The following ADAMTS2 variants were observed in gnomAD, a reference collection of about 807,000 sequenced individuals.
The protein encoded by ADAMTS2 is ADAM metallopeptidase with thrombospondin type 1 motif 2.
A neutral mutation model predicts 123.0 loss-of-function variants in ADAMTS2; 50 were observed. That is an observed-to-expected ratio of 0.41 (90% CI 0.32 to 0.51). The LOEUF (loss-of-function observed/expected upper bound fraction) is 0.51. ADAMTS2 is among the 20% of genes least tolerant of loss of function. The pLI, the probability that ADAMTS2 is intolerant of heterozygous loss-of-function variation, is 0.35. For missense variants in ADAMTS2, 1,494 were observed against 1,705.2 expected, an observed-to-expected ratio of 0.88 and a Z score of 2.18; for synonymous variants, 678 against 695.4, an observed-to-expected ratio of 0.98 and a Z score of 0.39.
chr5:179,255,754 C>G (rs1766032375), intron 3 of ADAMTS2, among the ~76,000 whole-genome samples: 1 of 152,174 alleles, frequency 6.6e-6, no homozygotes, highest in Admixed American at 6.5e-5. Flanking sequence ...TGCCCCCAAG[C>G]AGGGGTGGCA....
intron 2 of ADAMTS2, among the ~76,000 whole-genome samples, chr5:179,284,185 C>T (rs1328510165): frequency 1.3e-5 from 2 of 150,348 alleles, no homozygotes; most frequent in Admixed American, 1.3e-4. Context: ...AAAAATTAGC[C>T]GGGCTTGGTG....
At position 179,224,451 on chromosome 5, in the gene ADAMTS2, T is replaced by C. The variant is rs535199889; in HGVS notation, c.689-16736A>G. ...GACCTAGACATATTTTGTTCACATG[T>C]TGAACAGAGAGAAACGGTCTGCATT... On this transcript the variant is annotated intron_variant, in intron 3 of 21. Transcript: ENST00000251582. Among the ~76,000 whole-genome samples, 3 of 152,364 alleles carry C rather than the reference T, an allele frequency of 2.0e-5. No homozygotes were observed. The South Asian group carries it at 6.2e-4, about 32-fold the overall frequency.
chr5:179,163,690 C>T (rs375057347), intron 5 of ADAMTS2, among the ~76,000 whole-genome samples: 6 of 152,126 alleles, frequency 3.9e-5, no homozygotes, highest in Admixed American at 3.3e-4. Context: ...GTTCCCAGCC[C>T]GTCTTAGCAG....
In ADAMTS2 at chr5:179,305,055, GAA is replaced by G. The variant is rs3084664; in HGVS notation, c.535-31993_535-31992del. On this transcript the variant is annotated intron_variant, in intron 2 of 21. Transcript: ENST00000251582. ...AAGTGCAAAACATTGTTAAAATGCT[GAA>G]AAAAAAAAAAAAAGAACTGTCAACC... is the stretch of plus-strand genomic sequence containing the variant. Among the ~76,000 whole-genome samples the G allele has an allele frequency of 8.7e-3, 1,100 of 126,132 alleles. 16 individuals are homozygous for G. The highest frequency in any genetic ancestry group is 0.08 in the East Asian group (354 of 4,424). 82.7% of individuals were successfully genotyped at this position (126,132 alleles called of 152,430 possible).
In ADAMTS2 at chr5:179,117,482, T is replaced by C. The variant is rs542053154; in HGVS notation, c.3179-3158A>G. On this transcript the variant is annotated intron_variant, in intron 21 of 21. Transcript: ENST00000251582. The surrounding 1 kb of genome is among the most constrained non-coding windows in gnomAD (Gnocchi z 4.2). ...GGTACAGTGGTGGGCCATCTACGGC[T>C]AGTGTGCCAAGTCCCTCCCTCCACC... Among the ~76,000 whole-genome samples the C allele has an allele frequency of 3.9e-3, 590 of 152,090 alleles. 10 individuals carry two copies. The highest frequency in any genetic ancestry group is 0.015 in the South Asian group (74 of 4,814).
In ADAMTS2 at chr5:179,344,179, G is replaced by T; in HGVS notation, c.140-18C>A. 6.3e-7 allele frequency: 1 copy of T among 1,582,298 alleles called. No individual in the cohort carries two copies. Reference sequence around the variant, plus strand: ...GGGCCCGCCTGCAACGGGAAGGGGCGTTAGATCGGCGGAGACCACGGAGCC... The same window carrying T: ...GGGCCCGCCTGCAACGGGAAGGGGCTTTAGATCGGCGGAGACCACGGAGCC... On this transcript the variant is annotated intron_variant, in intron 1 of 21. Coordinates refer to ENST00000251582, the MANE Select transcript of ADAMTS2 (RefSeq NM_014244.5).
chr5:179,152,987 C>T (rs1763389896), intron 9 of ADAMTS2, among the ~76,000 whole-genome samples: 1 of 152,192 alleles, frequency 6.6e-6, no homozygotes. Context: ...CATTAAGACG[C>T]TCATAGACAC....
intron 4 of ADAMTS2, among the ~76,000 whole-genome samples, chr5:179,195,142 AC>A (rs1764395856): frequency 6.6e-6 from 1 of 151,662 alleles, no homozygotes; most frequent in Admixed American, 6.6e-5. Context: ...CGCTCCCCAT[AC>A]TCCTGTGCTC....
intron 3 of ADAMTS2, among the ~76,000 whole-genome samples, chr5:179,258,035 G>A (rs961314828): frequency 1.7e-4 from 26 of 152,130 alleles, no homozygotes; most frequent in Non-Finnish European, 2.9e-4. Flanking sequence ...GTGCCCATAC[G>A]AGACCACTGT....
In ADAMTS2 at chr5:179,129,948, C is replaced by T; in HGVS notation, c.2441G>A (p.Gly814Asp). The T allele has an allele frequency of 4.3e-6, 7 of 1,613,912 alleles. No individual in the cohort carries two copies. Among genetic ancestry groups the T allele is most frequent in the Non-Finnish European group, 5.9e-6 (7 of 1,180,022 alleles). The change falls in exon 16 of 22, where the codon GGC becomes GAC. Residue 814 changes from glycine (G) to aspartate (D), a missense_variant. By Grantham distance (94) the Gly-to-Asp change is moderately conservative. Transcript: ENST00000251582. This position sits in a 1 kb window ranked among gnomAD's most constrained non-coding sequence, Gnocchi z 4.1. Reference sequence around the variant, plus strand: ...TGGACTCACCAGAACGGTGATGGTGCCGTGGAGGGGGCCCATGGTCTGCAG... The same window carrying T: ...TGGACTCACCAGAACGGTGATGGTGTCGTGGAGGGGGCCCATGGTCTGCAG... ...ETLQTMGPLH[G>D]TITVLVIPVG...
intron 2 of ADAMTS2, among the ~76,000 whole-genome samples, chr5:179,328,557 G>A (rs1169198677): frequency 1.3e-5 from 2 of 152,212 alleles, no homozygotes; most frequent in Non-Finnish European, 2.9e-5. Context: ...TGGCAGCTCT[G>A]CACATGCATG....
chr5:179,275,712 A>G (rs1272347316), intron 2 of ADAMTS2, among the ~76,000 whole-genome samples: 1 of 152,240 alleles, frequency 6.6e-6, no homozygotes, highest in Non-Finnish European at 1.5e-5. Context: ...GTCCTCCCCC[A>G]GAGTCTCCAG....
intron 21 of ADAMTS2, among the ~76,000 whole-genome samples, chr5:179,114,670 T>C (rs554173382): frequency 1.3e-5 from 2 of 152,334 alleles, no homozygotes; most frequent in African/African-American, 2.4e-5. Context: ...TCTTAAAGAA[T>C]AGGACTTTAT....
intron 3 of ADAMTS2, among the ~76,000 whole-genome samples, chr5:179,218,365 T>C (rs564911718): frequency 1.3e-5 from 2 of 152,276 alleles, no homozygotes; most frequent in Admixed American, 1.3e-4. Context: ...ATCATTAAGA[T>C]GAAATATGTT....
intron 21 of ADAMTS2, among the ~76,000 whole-genome samples, chr5:179,116,464 G>A (rs940861068): frequency 6.6e-5 from 10 of 152,086 alleles, no homozygotes; most frequent in African/African-American, 2.2e-4. Context: ...GGCAGGCATC[G>A]CCTGACCTCC....
intron 2 of ADAMTS2, among the ~76,000 whole-genome samples, chr5:179,294,629 CG>C (rs1358008596): frequency 6.6e-6 from 1 of 152,228 alleles, no homozygotes; most frequent in Non-Finnish European, 1.5e-5. Context: ...GCCCTGCCCC[CG>C]CCCCCACTGC....
chr5:179,201,494 C>A (rs194039), intron 4 of ADAMTS2, among the ~76,000 whole-genome samples: 1 of 151,532 alleles, frequency 6.6e-6, no homozygotes, highest in Non-Finnish European at 1.5e-5. Flanking sequence ...TTTTACATAG[C>A]AAAAAAAATG....
chr5:179,294,611 C>T (rs890176604), intron 2 of ADAMTS2, among the ~76,000 whole-genome samples: 1 of 152,188 alleles, frequency 6.6e-6, no homozygotes, highest in African/African-American at 2.4e-5. Context: ...GTGGAAGGGC[C>T]ACCCCAAGCC....
At chr5:179,141,473 C>T (rs555710868) in intron 10 of ADAMTS2, among the ~76,000 whole-genome samples, 1 of 152,240 alleles carries the variant, frequency 6.6e-6, no homozygotes, top group East Asian at 1.9e-4. Flanking sequence ...GAACCCTCTC[C>T]CCAGTAACTG....
Sources: allele counts gnomAD v4.1 joint callset (sites outside exome capture counted in the v4.1 genomes callset), GRCh38; gene constraint gnomAD v4.1.1; non-coding constraint Gnocchi (gnomAD v3.1); transcripts MANE v1.5; gene names NCBI Gene and HGNC (gene_info 2026-07-23, HGNC 2026-07-21).